GALNTL6: variants seen among roughly 807,000 people sequenced by gnomAD.
GALNTL6 encodes the protein polypeptide N-acetylgalactosaminyltransferase like 6.
Under a neutral mutation model 73.7 loss-of-function variants are expected in GALNTL6, and 46 were observed. That is an observed-to-expected ratio of 0.62 (90% confidence interval 0.49 to 0.80). GALNTL6 has a LOEUF of 0.80. Among genes scored for constraint, GALNTL6 ranks in the 30% least tolerant of loss-of-function variants. The probability of loss-of-function intolerance (pLI) is 0.00; values close to 1 mark genes in which losing one functional copy is unlikely to be tolerated. For missense variants in GALNTL6, 604 were observed against 755.0 expected (o/e 0.80, Z 2.34); for synonymous variants, 259 against 263.7 (o/e 0.98, Z 0.17).
At chr4:172,094,790 G>A (rs1732301916) in intron 2 of GALNTL6, among the ~76,000 whole-genome samples, 1 of 151,908 alleles carries the variant, frequency 6.6e-6, no homozygotes, top group South Asian at 2.1e-4. Context: ...TTTATCACCT[G>A]TAATCCACTT....
At chr4:172,989,342 A>T (rs1267118297) in intron 10 of GALNTL6, among the ~76,000 whole-genome samples, 1 of 152,188 alleles carries the variant, frequency 6.6e-6, no homozygotes, top group African/African-American at 2.4e-5. Flanking sequence ...CCTCATCTCA[A>T]ATGAGACTTT....
chr4:172,767,881 G>A (rs1327558817), intron 5 of GALNTL6, among the ~76,000 whole-genome samples: 1 of 151,944 alleles, frequency 6.6e-6, no homozygotes, highest in Non-Finnish European at 1.5e-5. Context: ...TGTTGAACAG[G>A]ATGATCTCAA....
intron 8 of GALNTL6, among the ~76,000 whole-genome samples, chr4:172,905,453 A>AAAT (rs1364991254): frequency 3.9e-5 from 6 of 152,290 alleles, no homozygotes; most frequent in Non-Finnish European, 5.9e-5. Flanking sequence ...ACTCAATAAG[A>AAAT]AATGAACATG....
chr4:171,949,144 T>C (rs903447788), intron 2 of GALNTL6, among the ~76,000 whole-genome samples: 4 of 152,136 alleles, frequency 2.6e-5, no homozygotes, highest in African/African-American at 7.2e-5. Flanking sequence ...TTTTTTATTC[T>C]GATGGCCTTG....
At chr4:171,972,627 T>C (rs547218403) in intron 2 of GALNTL6, among the ~76,000 whole-genome samples, 43 of 152,164 alleles carry the variant, frequency 2.8e-4, no homozygotes, top group African/African-American at 1.0e-3. Context: ...AAAAGCAAAA[T>C]ACTAGATAGA....
intron 2 of GALNTL6, among the ~76,000 whole-genome samples, chr4:172,013,794 G>T (rs1440541260): frequency 1.3e-5 from 2 of 151,798 alleles, no homozygotes; most frequent in Non-Finnish European, 2.9e-5. Flanking sequence ...GAAATACTAG[G>T]TCTTATTCAT....
chr4:172,547,910 G>A (rs2110891937), intron 5 of GALNTL6, among the ~76,000 whole-genome samples: 1 of 152,258 alleles, frequency 6.6e-6, no homozygotes, highest in South Asian at 2.1e-4. Context: ...TTGGTTTGAT[G>A]CTCTAGCAGT....
chr4:172,230,507 G>C (rs1179826164), intron 3 of GALNTL6, among the ~76,000 whole-genome samples: 1 of 151,694 alleles, frequency 6.6e-6, no homozygotes, highest in African/African-American at 2.4e-5. Context: ...GAATGGCCCG[G>C]GGGGTGGAGC....
chr4:172,870,934 TAC>T (rs1744900777), intron 7 of GALNTL6, among the ~76,000 whole-genome samples: 1 of 152,216 alleles, frequency 6.6e-6, no homozygotes, highest in Admixed American at 6.5e-5. Flanking sequence ...CAATTGAGGG[TAC>T]AGTTTCATAC....
chr4:172,732,818 CA>C (rs1366746537), intron 5 of GALNTL6, among the ~76,000 whole-genome samples: 2 of 151,966 alleles, frequency 1.3e-5, no homozygotes, highest in Admixed American at 6.6e-5. Context: ...CAAACAAAGG[CA>C]AAAAAACCCA....
At chr4:172,158,186 A>T (rs1734342836) in intron 2 of GALNTL6, among the ~76,000 whole-genome samples, 1 of 152,226 alleles carries the variant, frequency 6.6e-6, no homozygotes, top group South Asian at 2.1e-4. Context: ...TTCCTAGGCA[A>T]TTAAAAATCT....
At chr4:172,521,442 T>G (rs577465183) in intron 5 of GALNTL6, among the ~76,000 whole-genome samples, 1 of 152,290 alleles carries the variant, frequency 6.6e-6, no homozygotes, top group Non-Finnish European at 1.5e-5. Context: ...AGAACTATGA[T>G]CTAAATATAA....
intron 2 of GALNTL6, among the ~76,000 whole-genome samples, chr4:171,889,726 T>A (rs957661880): frequency 2.0e-5 from 3 of 152,056 alleles, no homozygotes; most frequent in Non-Finnish European, 4.4e-5. Context: ...TCTTGTAACA[T>A]AGATGCAATA....
At chr4:172,412,646 T>A (rs996796643) in intron 5 of GALNTL6, among the ~76,000 whole-genome samples, 1 of 152,168 alleles carries the variant, frequency 6.6e-6, no homozygotes, top group African/African-American at 2.4e-5. Context: ...ATGGGCACAA[T>A]GTAAACAAAA....
chr4:172,881,703 A>G (rs1745460157), intron 7 of GALNTL6, among the ~76,000 whole-genome samples: 1 of 152,164 alleles, frequency 6.6e-6, no homozygotes, highest in Admixed American at 6.5e-5. Context: ...CCTTTGTTTC[A>G]AAAAAGTTTT....
At chr4:172,894,027 A>G (rs890605872) in intron 8 of GALNTL6, among the ~76,000 whole-genome samples, 1 of 152,108 alleles carries the variant, frequency 6.6e-6, no homozygotes, top group African/African-American at 2.4e-5. Flanking sequence ...TCCCTCTTCA[A>G]ATATGGTGTA....
chr4:172,295,079 G>A (rs6553619), intron 3 of GALNTL6, among the ~76,000 whole-genome samples: 152,121 of 152,240 alleles, frequency 1, 76,001 homozygotes, highest in Non-Finnish European at 1. Context: ...TTCGTTTAAT[G>A]TAAAAATGTG....
intron 5 of GALNTL6, among the ~76,000 whole-genome samples, chr4:172,634,204 T>G (rs181832889): frequency 3.9e-5 from 6 of 152,324 alleles, no homozygotes; most frequent in Non-Finnish European, 7.4e-5. Flanking sequence ...ATTCATGTTA[T>G]GCTTCTCATC....
intron 8 of GALNTL6, among the ~76,000 whole-genome samples, chr4:172,929,952 T>C (rs1273060185): frequency 6.6e-6 from 1 of 152,170 alleles, no homozygotes; most frequent in East Asian, 1.9e-4. Flanking sequence ...TGGTAAAATA[T>C]AACCATGACT....
Sources: allele counts gnomAD v4.1 joint callset (sites outside exome capture counted in the v4.1 genomes callset), GRCh38; gene constraint gnomAD v4.1.1; transcripts MANE v1.5; gene names NCBI Gene and HGNC (gene_info 2026-07-23, HGNC 2026-07-21).